The following DLG2 variants were observed in gnomAD, a reference collection of about 807,000 sequenced individuals.
DLG2 encodes disks large homolog 2.
A neutral mutation model predicts 132.5 loss-of-function variants in DLG2; 45 were observed. The ratio of observed to expected loss-of-function variants is 0.34; its 90% CI spans 0.27 to 0.44. The LOEUF is 0.44. DLG2 is among the 20% of genes least tolerant of loss of function. DLG2 has a pLI of 1.00. For missense variants in DLG2, 1,045 were observed against 1,196.9 expected (o/e 0.87, Z 1.87); for synonymous variants, 424 against 419.6 (o/e 1.01, Z -0.13).
intron 7 of DLG2, among the ~76,000 whole-genome samples, chr11:84,262,081 T>A (rs61899193): frequency 6.6e-6 from 1 of 152,104 alleles, no homozygotes; most frequent in Admixed American, 6.5e-5. Context: ...CTATTCCTCA[T>A]TGCAACCCTA....
chr11:84,502,690 G>C (rs544259793), intron 7 of DLG2, among the ~76,000 whole-genome samples: 8 of 151,756 alleles, frequency 5.3e-5, no homozygotes, highest in Non-Finnish European at 1.0e-4. Flanking sequence ...ACCATTTCAC[G>C]ACAGCCCAGG....
intron 6 of DLG2, among the ~76,000 whole-genome samples, chr11:84,777,228 TTC>T (rs1290069573): frequency 4.5e-5 from 3 of 66,414 alleles, no homozygotes; most frequent in Non-Finnish European, 8.7e-5. Context: ...TGTAATTTCA[TTC>T]TTTTTGCTGT....
chr11:85,143,854 T>C (rs930225398), intron 5 of DLG2, among the ~76,000 whole-genome samples: 2 of 151,920 alleles, frequency 1.3e-5, no homozygotes, highest in African/African-American at 4.8e-5. Context: ...ACATATGGTC[T>C]ATCATTGAGA....
chr11:84,658,432 C>G, intron 6 of DLG2, among the ~76,000 whole-genome samples: 1 of 152,088 alleles, frequency 6.6e-6, no homozygotes, highest in East Asian at 1.9e-4. Context: ...GGCTGGAATT[C>G]TCGTGAATGG....
At chr11:85,381,410 AC>A (rs534292768) in intron 3 of DLG2, among the ~76,000 whole-genome samples, 193 of 152,310 alleles carry the variant, frequency 1.3e-3, no homozygotes, top group Middle Eastern at 0.01. Flanking sequence ...ATGGTGAAAG[AC>A]TGAAAGGTTT....
chr11:83,873,334 T>TA (rs2063839829), intron 16 of DLG2, among the ~76,000 whole-genome samples: 2 of 152,222 alleles, frequency 1.3e-5, no homozygotes, highest in Admixed American at 1.3e-4. Context: ...AATCTCATCT[T>TA]AAACTGTACT....
intron 19 of DLG2, among the ~76,000 whole-genome samples, chr11:83,544,582 G>T (rs1438105367): frequency 1.3e-5 from 2 of 152,050 alleles, no homozygotes; most frequent in African/African-American, 4.8e-5. Flanking sequence ...TCTTCACCTT[G>T]CCCCCTCATT....
chr11:85,465,575 G>A (rs1272118597), intron 3 of DLG2, among the ~76,000 whole-genome samples: 2 of 151,968 alleles, frequency 1.3e-5, no homozygotes, highest in African/African-American at 4.8e-5. Context: ...TTGTCCTTGC[G>A]ATAGTTTGCT....
intron 4 of DLG2, among the ~76,000 whole-genome samples, chr11:85,265,570 C>T (rs970308461): frequency 1.3e-5 from 2 of 152,154 alleles, no homozygotes; most frequent in African/African-American, 4.8e-5. Flanking sequence ...TGGTGGAAAC[C>T]CCACCTTCAA....
At chr11:83,699,652 G>A (rs937753710) in intron 18 of DLG2, among the ~76,000 whole-genome samples, 5 of 151,324 alleles carry the variant, frequency 3.3e-5, no homozygotes, top group Admixed American at 6.6e-5. Flanking sequence ...GGAGCCTGCA[G>A]TGAGCAGAGA....
chr11:85,228,796 C>T (rs1214165624), intron 4 of DLG2, among the ~76,000 whole-genome samples: 2 of 151,502 alleles, frequency 1.3e-5, no homozygotes, highest in African/African-American at 4.8e-5. Flanking sequence ...TCTGACTTTT[C>T]ATTGTCATTT....
chr11:84,659,775 A>C (rs2099692493), intron 6 of DLG2, among the ~76,000 whole-genome samples: 1 of 152,180 alleles, frequency 6.6e-6, no homozygotes, highest in Admixed American at 6.5e-5. Flanking sequence ...AGTTTGGGGG[A>C]TTCCCAAGGT....
At chr11:85,154,430 G>A (rs187735814) in intron 5 of DLG2, 126 bp downstream of exon 5, 8 of 547,002 alleles carry the variant, frequency 1.5e-5, no homozygotes, top group Non-Finnish European at 2.5e-5. Flanking sequence ...TGCTGACCAG[G>A]CCAAAGCTAG....
chr11:83,455,075 A>C (rs998682015), downstream of DLG2: 1 of 152,682 alleles, frequency 6.5e-6, no homozygotes, highest in Non-Finnish European at 1.5e-5. Flanking sequence ...ACATGTTTAT[A>C]AACACTCTAT....
intron 7 of DLG2, among the ~76,000 whole-genome samples, chr11:84,285,907 A>G (rs2097905063): frequency 1.3e-5 from 2 of 152,184 alleles, no homozygotes; most frequent in African/African-American, 4.8e-5. Context: ...TGTTGGATAA[A>G]TGAATGAATT....
intron 3 of DLG2, among the ~76,000 whole-genome samples, chr11:85,536,248 A>G (rs2075573383): frequency 6.6e-6 from 1 of 150,566 alleles, no homozygotes; most frequent in African/African-American, 2.4e-5. Flanking sequence ...AGTTTTAAAT[A>G]GGCAAATCCA....
At chr11:84,847,380 T>C (rs2081609007) in intron 6 of DLG2, among the ~76,000 whole-genome samples, 1 of 152,192 alleles carries the variant, frequency 6.6e-6, no homozygotes, top group Admixed American at 6.5e-5. Context: ...TGAACTTGTC[T>C]ATTTAGTTAA....
chr11:84,993,808 A>G (rs75462369), intron 6 of DLG2, among the ~76,000 whole-genome samples: 4,869 of 152,258 alleles, frequency 0.032, 108 homozygotes, highest in African/African-American at 0.047. Flanking sequence ...CAGGAAGCCT[A>G]TAAGCAGCTT....
intron 6 of DLG2, chr11:85,020,820 G>C: frequency 1.4e-6 from 1 of 737,002 alleles, no homozygotes; most frequent in South Asian, 1.3e-5. Context: ...CATCATCCTT[G>C]ATCAGCTCCA....
Sources: allele counts gnomAD v4.1 joint callset (sites outside exome capture counted in the v4.1 genomes callset), GRCh38; gene constraint gnomAD v4.1.1; transcripts MANE v1.5; gene names NCBI Gene and HGNC (gene_info 2026-07-23, HGNC 2026-07-21).